PAPPA2: variants seen among roughly 807,000 people sequenced by gnomAD.
The protein encoded by PAPPA2 is pappalysin-2.
Under a neutral mutation model 176.4 loss-of-function variants are expected in PAPPA2, and 86 were observed. The observed-to-expected ratio is 0.49, with a 90% CI of 0.41 to 0.58. The LOEUF (loss-of-function observed/expected upper bound fraction) is 0.58. Among genes scored for constraint, PAPPA2 ranks in the 20% least tolerant of loss-of-function variants. The probability of loss-of-function intolerance (pLI) is 0.00; values close to 1 mark genes in which losing one functional copy is unlikely to be tolerated. For synonymous variants in PAPPA2, 809 were observed against 852.2 expected (o/e 0.95, Z 0.88); for missense variants, 2,073 against 2,256.9 (o/e 0.92, Z 1.65).
chr1:176,731,156 C>T (rs968834083), intron 12 of PAPPA2, among the ~76,000 whole-genome samples: 3 of 151,794 alleles, frequency 2.0e-5, no homozygotes, highest in African/African-American at 7.3e-5. Context: ...TGCTCTTTTC[C>T]TTTTTAAATT....
intron 2 of PAPPA2, among the ~76,000 whole-genome samples, chr1:176,574,546 G>C (rs1213104102): frequency 6.6e-6 from 1 of 152,158 alleles, no homozygotes; most frequent in Non-Finnish European, 1.5e-5. Flanking sequence ...TTGGCTATTT[G>C]TGGGTCTAGA....
intron 1 of PAPPA2, among the ~76,000 whole-genome samples, chr1:176,550,008 C>T (rs1650852506): frequency 6.6e-6 from 1 of 152,198 alleles, no homozygotes; most frequent in Non-Finnish European, 1.5e-5. Context: ...TCAACTATTT[C>T]CCCAACCTTC....
chr1:176,727,646 C>T (rs770464522), intron 12 of PAPPA2, among the ~76,000 whole-genome samples: 1 of 151,732 alleles, frequency 6.6e-6, no homozygotes, highest in Non-Finnish European at 1.5e-5. Flanking sequence ...GTTAGTAATT[C>T]ATTTAATAAG....
chr1:176,740,236 T>C (rs374880571), intron 14 of PAPPA2, 40 bp downstream of exon 14: 2 of 1,564,720 alleles, frequency 1.3e-6, no homozygotes, highest in African/African-American at 2.7e-5. Flanking sequence ...CCTTTTCTTG[T>C]GGCTCTAATG....
rs1663935807 is a variant in PAPPA2 at position 176,765,756 on chromosome 1, A to G, written c.4242A>G (p.Pro1414=). 1.2e-6 allele frequency: 2 copies of G among 1,613,980 alleles called. No homozygotes were observed. Among genetic ancestry groups the G allele is most frequent in the Non-Finnish European group, 1.7e-6 (2 of 1,180,026 alleles). Residue 1414 remains proline, a synonymous_variant, in exon 15 of 23, where the codon CCA becomes CCG. Transcript: ENST00000367662. ...ADVVNCTSIG[P]GLMKCAITCQ... is the part of the protein sequence containing the mutation. ...TGGTGAACTGTACCTCTATAGGCCC[A>G]GGTCTCATGAAGTGTGCTATCACTT...
At chr1:176,668,685 A>C (rs1161198681) in intron 3 of PAPPA2, among the ~76,000 whole-genome samples, 1 of 152,184 alleles carries the variant, frequency 6.6e-6, no homozygotes, top group Non-Finnish European at 1.5e-5. Context: ...GTTGGTTTAG[A>C]GAAAAGTCTG....
chr1:176,561,039 C>T (rs891650715), intron 2 of PAPPA2, among the ~76,000 whole-genome samples: 1 of 152,208 alleles, frequency 6.6e-6, no homozygotes, highest in African/African-American at 2.4e-5. Flanking sequence ...AGTTTTCCTC[C>T]TCTGAGGATC....
chr1:176,752,326 A>G (rs539650252), intron 14 of PAPPA2, among the ~76,000 whole-genome samples: 1 of 133,306 alleles, frequency 7.5e-6, no homozygotes, highest in African/African-American at 3.0e-5. Context: ...CATGTACCCT[A>G]AAACTTAGAG....
chr1:176,581,636 C>T (rs1414453787), intron 2 of PAPPA2, among the ~76,000 whole-genome samples: 1 of 152,088 alleles, frequency 6.6e-6, no homozygotes, highest in East Asian at 1.9e-4. Flanking sequence ...TTTCTTTCAT[C>T]AGTGTGTTGT....
intron 6 of PAPPA2, among the ~76,000 whole-genome samples, chr1:176,694,087 A>T (rs538576391): frequency 1.3e-5 from 2 of 152,262 alleles, no homozygotes; most frequent in East Asian, 3.9e-4. Flanking sequence ...TCACATGGCC[A>T]GCAATTTGTG....
Position 176,789,884 on chromosome 1 carries a change from AC to A in PAPPA2, c.4796del (p.Pro1599LeufsTer62). 1.9e-6 allele frequency: 3 copies of A among 1,614,034 alleles called. No homozygotes were observed. Among genetic ancestry groups the A allele is most frequent in the Non-Finnish European group, 2.5e-6 (3 of 1,179,988 alleles). On this transcript the variant is annotated frameshift_variant, in exon 18 of 23. Coordinates refer to ENST00000367662, the MANE Select transcript of PAPPA2 (RefSeq NM_020318.3). LOFTEE classifies it high-confidence loss of function. ...GCTGCATTCCTGTGGTGTGTGAGCC[AC>A]CCCCTCCTGTGTTTGAAGGCATGTA... Reference protein sequence around the residue: ...GSCIPVVCEPPPPVFEGMYEC... With the variant: ...GSCIPVVCEPXPPVFEGMYEC...
intron 3 of PAPPA2, among the ~76,000 whole-genome samples, chr1:176,649,421 A>C (rs1054712963): frequency 2.1e-5 from 3 of 145,424 alleles, no homozygotes; most frequent in African/African-American, 7.6e-5. Context: ...AATTTTATTT[A>C]TTTCTACTTT....
Position 176,699,544 on chromosome 1 carries a change from G to T in PAPPA2, c.3191G>T (p.Gly1064Val). 1 of 1,611,530 alleles carries T rather than the reference G, an allele frequency of 6.2e-7. No homozygotes were observed. Among genetic ancestry groups the T allele is most frequent in the South Asian group, 1.1e-5 (1 of 91,014 alleles). Residue 1064 changes from glycine to valine, a missense_variant, in exon 8 of 23, where the codon GGT becomes GTT. Physicochemically the swap from Gly to Val is moderately radical, Grantham distance 109. Around this residue, in one of 4 missense-constraint regions of PAPPA2, gnomAD observed 846 missense variants for 857.9 expected, o/e 0.99. Coordinates refer to ENST00000367662, the MANE Select transcript of PAPPA2 (RefSeq NM_020318.3). Reference sequence around the variant, plus strand: ...CTCCGCGATCCCCCATTTGCCAGTGGTTTGCCCGTGGTGGTGACACATTCT... The same window carrying T: ...CTCCGCGATCCCCCATTTGCCAGTGTTTTGCCCGTGGTGGTGACACATTCT... Reference protein sequence around the residue: ...QVLRDPPFASGLPVVVTHSHR... With the variant: ...QVLRDPPFASVLPVVVTHSHR...
In PAPPA2 at chr1:176,699,608, C is replaced by T. The variant is rs1175398124; in HGVS notation, c.3236+19C>T. 1.9e-6 allele frequency: 3 copies of T among 1,577,596 alleles called. No homozygotes were observed. The Admixed American group carries it at 5.2e-5, about 27-fold the overall frequency. ...CGGACGTGTGAGTTTGGTAGCATGACTATGGGGCTTCCTGAGGCTCTGGGG... is the reference window on the plus strand; with the variant it reads ...CGGACGTGTGAGTTTGGTAGCATGATTATGGGGCTTCCTGAGGCTCTGGGG... On this transcript the variant is annotated intron_variant, in intron 8 of 22. Transcript: ENST00000367662.
chr1:176,747,186 C>T (rs1662949420), intron 14 of PAPPA2, among the ~76,000 whole-genome samples: 1 of 152,154 alleles, frequency 6.6e-6, no homozygotes, highest in Non-Finnish European at 1.5e-5. Flanking sequence ...TATTTTGATT[C>T]AGGTAACAAA....
intron 1 of PAPPA2, among the ~76,000 whole-genome samples, chr1:176,540,926 C>T (rs1650329159): frequency 6.6e-6 from 1 of 152,126 alleles, no homozygotes; most frequent in South Asian, 2.1e-4. Context: ...TTGATCCTGG[C>T]CTCTGTAACC....
intron 12 of PAPPA2, among the ~76,000 whole-genome samples, chr1:176,726,132 T>C (rs1470939326): frequency 1.3e-5 from 2 of 152,230 alleles, no homozygotes; most frequent in Admixed American, 6.5e-5. Flanking sequence ...ATTTTTTTCC[T>C]TCTCTGTAAA....
Position 176,486,416 on chromosome 1 carries a change from A to G in PAPPA2, c.-917+22998A>G, listed in dbSNP as rs528390481. ...AGCCCTTGACCTCAAGGAGTATACAATCTAGTAAGGATGCTTAGACAGGTA... is the reference window on the plus strand; with the variant it reads ...AGCCCTTGACCTCAAGGAGTATACAGTCTAGTAAGGATGCTTAGACAGGTA... On this transcript the variant is annotated intron_variant, in intron 1 of 22. Transcript: ENST00000367662. Among the ~76,000 whole-genome samples, 28 of 152,326 alleles carry G rather than the reference A, an allele frequency of 1.8e-4. No individual in the cohort carries two copies. In the South Asian group the frequency reaches 5.8e-3, roughly 32 times the overall value.
chr1:176,621,571 AAG>A (rs1425046404), intron 3 of PAPPA2, among the ~76,000 whole-genome samples: 4 of 152,218 alleles, frequency 2.6e-5, no homozygotes, highest in Non-Finnish European at 5.9e-5. Context: ...CTGAAACAAA[AAG>A]AGAAAGAACG....
Sources: allele counts gnomAD v4.1 joint callset (sites outside exome capture counted in the v4.1 genomes callset), GRCh38; gene constraint gnomAD v4.1.1; regional missense constraint gnomAD v4.1.1; transcripts MANE v1.5; gene names NCBI Gene and HGNC (gene_info 2026-07-23, HGNC 2026-07-21).